The following ZMAT3 variants were observed in gnomAD, a reference collection of about 807,000 sequenced individuals.
The protein encoded by ZMAT3 is zinc finger matrin-type 3.
In ZMAT3, 17 loss-of-function variants were observed where a neutral mutation model predicts 32.3. That is an observed-to-expected ratio of 0.53 (90% confidence interval 0.36 to 0.79). ZMAT3 has a LOEUF of 0.79. ZMAT3 is among the 30% of genes least tolerant of loss of function. ZMAT3 has a pLI of 0.00. For synonymous variants in ZMAT3, 120 were observed against 133.1 expected, an observed-to-expected ratio of 0.90 and a Z score of 0.68; for missense variants, 329 against 359.7, an observed-to-expected ratio of 0.91 and a Z score of 0.69.
chr3:179,070,000 G>A (rs1446624177), intron 1 of ZMAT3, among the ~76,000 whole-genome samples: 1 of 151,812 alleles, frequency 6.6e-6, no homozygotes, highest in Non-Finnish European at 1.5e-5. Flanking sequence ...GAACTAAGTA[G>A]ACAAAGAACA....
At chr3:179,032,394 C>T (rs1028909913) in intron 2 of ZMAT3, among the ~76,000 whole-genome samples, 2 of 152,134 alleles carry the variant, frequency 1.3e-5, no homozygotes, top group African/African-American at 4.8e-5. Flanking sequence ...TCCCAAAGTG[C>T]CAACAGTGCA....
intron 2 of ZMAT3, among the ~76,000 whole-genome samples, chr3:179,031,320 G>A (rs1317830693): frequency 6.7e-6 from 1 of 150,372 alleles, no homozygotes; most frequent in African/African-American, 2.4e-5. Flanking sequence ...TATCTCCTAT[G>A]GATAAAAAAA....
chr3:179,065,655 T>C (rs1023215582), intron 2 of ZMAT3, among the ~76,000 whole-genome samples: 1 of 152,208 alleles, frequency 6.6e-6, no homozygotes. Context: ...AAGGGAATTA[T>C]AGGCTGGGTG....
intron 2 of ZMAT3, among the ~76,000 whole-genome samples, chr3:179,058,696 C>T (rs1720987005): frequency 7.0e-6 from 1 of 142,802 alleles, no homozygotes; most frequent in South Asian, 2.1e-4. Flanking sequence ...GCGGAGCTTG[C>T]AGTGAGCCGA....
rs535653736 is a variant in ZMAT3 at position 179,027,435 on chromosome 3, G to C, written c.646C>G (p.Gln216Glu). The C allele has an allele frequency of 1.4e-5, 22 of 1,614,010 alleles. No individual in the cohort carries two copies. In the South Asian group the frequency reaches 2.2e-4, roughly 16 times the overall value. The change falls in exon 5 of 6, where the codon CAG becomes GAG. Residue 216 changes from glutamine to glutamate, a missense_variant. By Grantham distance (29) the Gln-to-Glu change is conservative. Coordinates refer to ENST00000311417, the MANE Select transcript of ZMAT3 (RefSeq NM_022470.4). ...ACAGACAAGATACCTGAATTATTCT[G>C]TACTGTATACATATTTCTCCTGTTA... ...MPNRRNMYTV[Q>E]NNSAGPYFNP...
intron 2 of ZMAT3, among the ~76,000 whole-genome samples, chr3:179,058,310 C>T (rs1720958781): frequency 6.6e-6 from 1 of 152,192 alleles, no homozygotes; most frequent in Non-Finnish European, 1.5e-5. Flanking sequence ...TGCAACTCAA[C>T]CCAGCCACAT....
In ZMAT3 at chr3:179,024,696, C is replaced by T; in HGVS notation, c.*321G>A. Reference sequence around the variant, plus strand: ...ACTTTTAAATAGTCAAAGTTCTAAGCCGTCAGGCTACTAGTTGACCAGAAC... The same window carrying T: ...ACTTTTAAATAGTCAAAGTTCTAAGTCGTCAGGCTACTAGTTGACCAGAAC... On this transcript the variant is annotated 3_prime_UTR_variant, in exon 6 of 6. Coordinates refer to ENST00000311417, the MANE Select transcript of ZMAT3 (RefSeq NM_022470.4). 4.1e-6 allele frequency: 1 copy of T among 243,758 alleles called. No homozygotes were observed. The allele number at this position is 243,758 out of a possible 1,614,324, so 15.1% of individuals were successfully genotyped here. A position where few individuals can be genotyped will look rare whatever the true frequency, so the allele number is the denominator to read the frequency against.
At chr3:179,070,629 C>G (rs1721660668) in intron 1 of ZMAT3, among the ~76,000 whole-genome samples, 1 of 152,170 alleles carries the variant, frequency 6.6e-6, no homozygotes, top group African/African-American at 2.4e-5. Context: ...CAACTCAGAT[C>G]TGTTCAACTG....
In ZMAT3 at chr3:179,024,920, A is replaced by G; in HGVS notation, c.*97T>C. The stretch of plus-strand genomic sequence containing the variant: ...GGTTACATGTATTAACATTAAGCAG[A>G]GGAATGTACTCATATCAAAAAGACC... On this transcript the variant is annotated 3_prime_UTR_variant, in exon 6 of 6. Coordinates refer to ENST00000311417, the MANE Select transcript of ZMAT3 (RefSeq NM_022470.4). The G allele has an allele frequency of 1.7e-6, 2 of 1,181,640 alleles. No individual in the cohort carries two copies. Among genetic ancestry groups the G allele is most frequent in the South Asian group, 2.5e-5 (2 of 80,172 alleles). The allele number at this position is 1,181,640 out of a possible 1,614,324, so 73.2% of individuals were successfully genotyped here. A position where few individuals can be genotyped will look rare whatever the true frequency, so the allele number is the denominator to read the frequency against.
chr3:179,062,887 A>G (rs142190541), intron 2 of ZMAT3, among the ~76,000 whole-genome samples: 4 of 152,352 alleles, frequency 2.6e-5, no homozygotes, highest in South Asian at 2.1e-4. Context: ...TAGTAACAAC[A>G]GTAAGACAGC....
chr3:179,052,139 A>G (rs1720598905), intron 2 of ZMAT3, among the ~76,000 whole-genome samples: 2 of 152,080 alleles, frequency 1.3e-5, no homozygotes, highest in African/African-American at 4.8e-5. Flanking sequence ...GATAAAGATA[A>G]ATAGATGAGA....
At chr3:179,045,763 G>A (rs1408786577) in intron 2 of ZMAT3, among the ~76,000 whole-genome samples, 1 of 152,120 alleles carries the variant, frequency 6.6e-6, no homozygotes, top group Non-Finnish European at 1.5e-5. Context: ...TAAGCTAGAT[G>A]GCAAATACAA....
At chr3:179,062,636 A>C (rs1230658307) in intron 2 of ZMAT3, among the ~76,000 whole-genome samples, 1 of 152,222 alleles carries the variant, frequency 6.6e-6, no homozygotes, top group African/African-American at 2.4e-5. Flanking sequence ...CAGAACAAGA[A>C]AACCAACAAG....
At chr3:179,052,444 G>A (rs1468457983) in intron 2 of ZMAT3, among the ~76,000 whole-genome samples, 4 of 152,124 alleles carry the variant, frequency 2.6e-5, no homozygotes, top group African/African-American at 9.7e-5. Context: ...ACTACAACAT[G>A]ATACCACCTT....
chr3:179,070,857 T>C (rs551749546), intron 1 of ZMAT3, among the ~76,000 whole-genome samples: 12 of 152,346 alleles, frequency 7.9e-5, no homozygotes, highest in African/African-American at 2.9e-4. Flanking sequence ...TTAGTTTTAA[T>C]GATTGGACTG....
intron 2 of ZMAT3, among the ~76,000 whole-genome samples, chr3:179,034,937 TTCATTTGCAGTAGGTAACAGTGG>T (rs1428027183): frequency 4.6e-5 from 7 of 152,206 alleles, no homozygotes; most frequent in Non-Finnish European, 2.9e-5. Context: ...ACCAACATTT[TTCATTTGCAGTAGGTAACAGTGG>T]TCATTTGCAG....
chr3:179,061,166 T>C (rs563589125), intron 2 of ZMAT3, among the ~76,000 whole-genome samples: 1 of 151,914 alleles, frequency 6.6e-6, no homozygotes, highest in African/African-American at 2.4e-5. Flanking sequence ...ATTTAGAAAA[T>C]AGTGATCCCA....
chr3:179,055,688 G>A (rs921143075), intron 2 of ZMAT3, among the ~76,000 whole-genome samples: 1 of 152,066 alleles, frequency 6.6e-6, no homozygotes, highest in Admixed American at 6.6e-5. Flanking sequence ...ATAGACCTAG[G>A]TAAATTCTCA....
intron 2 of ZMAT3, among the ~76,000 whole-genome samples, chr3:179,062,127 T>C (rs1353533466): frequency 1.3e-5 from 2 of 152,170 alleles, no homozygotes; most frequent in Admixed American, 6.6e-5. Context: ...TTGTTACCAT[T>C]GGCTAATGCT....
Sources: gnomAD v4.1 joint callset for allele counts (sites outside exome capture counted in the v4.1 genomes callset) on GRCh38, gnomAD v4.1.1 for gene constraint, MANE v1.5 for transcripts, NCBI Gene and HGNC (gene_info 2026-07-23, HGNC 2026-07-21) for gene names.